CES2: variants seen among roughly 807,000 people sequenced by gnomAD.
CES2 encodes the protein carboxylesterase 2, also known as cocaine esterase.
Under a neutral mutation model 52.1 loss-of-function variants are expected in CES2, and 42 were observed. The ratio of observed to expected loss-of-function variants is 0.81; its 90% confidence interval spans 0.63 to 1.04. The LOEUF (loss-of-function observed/expected upper bound fraction) is 1.04, where lower values mean the gene tolerates loss of function less well. Ranked by LOEUF, CES2 falls within the 50% of genes least tolerant of loss-of-function variation. The pLI is 0.00. For missense variants in CES2, 656 were observed against 724.3 expected (o/e 0.91, Z 1.08); for synonymous variants, 277 against 289.6 (o/e 0.96, Z 0.44).
intron 5 of CES2, 106 bp from the exon 6 acceptor site, chr16:66,941,018 A>C: frequency 6.7e-7 from 1 of 1,489,742 alleles, no homozygotes; most frequent in East Asian, 2.3e-5. Flanking sequence ...ACTCATACGA[A>C]GTACCCTCTG....
At chr16:66,935,899 G>A in intron 1 of CES2, 188 bp downstream of exon 1, 2 of 1,461,342 alleles carry the variant, frequency 1.4e-6, no homozygotes, top group East Asian at 2.5e-5. Flanking sequence ...AGCACAGAAA[G>A]GGTCGGGCTG....
At position 66,935,605 on chromosome 16, in the gene CES2, C is replaced by T. The variant is rs539027609; in HGVS notation, c.-31C>T. 33 of 1,610,292 alleles carry T rather than the reference C, an allele frequency of 2.0e-5. No individual in the cohort carries two copies. In the Admixed American group the frequency reaches 2.8e-4, roughly 14 times the overall value. On this transcript the variant is annotated 5_prime_UTR_variant, in exon 1 of 12. Coordinates refer to ENST00000317091, the MANE Select transcript of CES2 (RefSeq NM_001365405.1). The stretch of plus-strand genomic sequence containing the variant: ...CTCTGGGTGAACAGCAGCGTGTCCG[C>T]CGGCAGCGAACCGAGACCAGCGAGC...
Position 66,940,252 on chromosome 16 carries a change from G to C in CES2, c.454G>C (p.Val152Leu), listed in dbSNP as rs1166586239. The C allele has an allele frequency of 6.3e-7, 1 of 1,581,078 alleles. No homozygotes were observed. The highest frequency in any genetic ancestry group is 1.5e-5 in the African/African-American group (1 of 68,408). ...VMVWIHGGAL[V>L]FGMASLYDGS... The stretch of plus-strand genomic sequence containing the variant: ...GGTGTGGATCCACGGTGGTGCGCTT[G>C]TTTTTGGCATGGCTTCCTTGTATGA... The change falls in exon 4 of 12, where the codon GTT (valine) becomes CTT (leucine). Residue 152 changes from valine to leucine, a missense_variant. Physicochemically the swap from Val to Leu is conservative, Grantham distance 32. Transcript: ENST00000317091.
chr16:66,936,389 G>A (rs780624941), intron 1 of CES2, among the ~76,000 whole-genome samples: 1 of 152,204 alleles, frequency 6.6e-6, no homozygotes, highest in Non-Finnish European at 1.5e-5. Context: ...GTGGGCTGTG[G>A]TGGTCTGTGA....
chr16:66,941,434 G>C, intron 6 of CES2, 72 bp from the exon 7 acceptor site: 1 of 1,576,330 alleles, frequency 6.3e-7, no homozygotes, highest in Non-Finnish European at 8.7e-7. Context: ...GGGAAGGAGT[G>C]GAAGGTACTC....
chr16:66,935,317 G>A, upstream of CES2: 4 of 1,082,560 alleles, frequency 3.7e-6, no homozygotes, highest in East Asian at 2.4e-5. Flanking sequence ...CAGGTTTGAA[G>A]AGAGGATTCC....
chr16:66,936,081 C>G, intron 1 of CES2: 2 of 1,050,394 alleles, frequency 1.9e-6, no homozygotes, highest in Non-Finnish European at 2.4e-6. Flanking sequence ...CCGGTAATAA[C>G]AGTAATAGCT....
chr16:66,934,483 T>A (rs1963149976), upstream of CES2: 1 of 1,392,518 alleles, frequency 7.2e-7, no homozygotes, highest in Non-Finnish European at 9.4e-7. The surrounding 1 kb of genome is among the most constrained non-coding windows in gnomAD (Gnocchi z 4.1). Flanking sequence ...CACGCCGCGT[T>A]GTGGGTTCTC....
rs1049581017 is a variant in CES2 at position 66,943,332 on chromosome 16, G to T, written c.1454G>T (p.Arg485Met). ...KFTEEEEQLSRKMMKYWANFA... is the reference protein window; with the variant it reads ...KFTEEEEQLSMKMMKYWANFA... ...ACTGAGGAAGAGGAGCAGCTAAGCAGGAAGATGATGAAGTACTGGGCCAAC... is the reference window on the plus strand; with the variant it reads ...ACTGAGGAAGAGGAGCAGCTAAGCATGAAGATGATGAAGTACTGGGCCAAC... Residue 485 changes from arginine to methionine, a missense_variant, in exon 11 of 12, where the codon AGG (arginine) becomes ATG (methionine). Transcript: ENST00000317091. This position sits in a 1 kb window ranked among gnomAD's most constrained non-coding sequence, Gnocchi z 4.2. The T allele has an allele frequency of 6.2e-7, 1 of 1,614,156 alleles. No individual in the cohort carries two copies. Among genetic ancestry groups the T allele is most frequent in the African/African-American group, 1.3e-5 (1 of 75,040 alleles).
At position 66,943,057 on chromosome 16, in the gene CES2, A is replaced by T. The variant is rs1306867765; in HGVS notation, c.1421-242A>T. On this transcript the variant is annotated intron_variant, in intron 10 of 11. Coordinates refer to ENST00000317091, the MANE Select transcript of CES2 (RefSeq NM_001365405.1). This position sits in a 1 kb window ranked among gnomAD's most constrained non-coding sequence, Gnocchi z 4.2. ...CAGGGACATGTTTATTTCTTCAGTG[A>T]CTCCCAGAGATAGAAGGAAGAAGGG... Among the ~76,000 whole-genome samples, 5 of 151,968 alleles carry T rather than the reference A, an allele frequency of 3.3e-5. No homozygotes were observed. Among genetic ancestry groups the T allele is most frequent in the African/African-American group, 9.7e-5 (4 of 41,348 alleles).
chr16:66,941,733 C>T, intron 7 of CES2, 35 bp from the exon 8 acceptor site: 1 of 1,614,044 alleles, frequency 6.2e-7, no homozygotes, highest in Non-Finnish European at 8.5e-7. Context: ...AGGCTCATCC[C>T]ATCCCCAGCT....
chr16:66,941,070 A>T, intron 5 of CES2, 54 bp from the exon 6 acceptor site: 1 of 1,605,166 alleles, frequency 6.2e-7, no homozygotes, highest in East Asian at 2.2e-5. Context: ...CCTTGGGCAA[A>T]CTCCTCTCCT....
Position 66,938,316 on chromosome 16 carries a change from G to A in CES2, c.281+75G>A, listed in dbSNP as rs983008703. 9 of 1,043,024 alleles carry A rather than the reference G, an allele frequency of 8.6e-6. No individual in the cohort carries two copies. In the African/African-American group the frequency reaches 1.1e-4, roughly 13 times the overall value. The allele number at this position is 1,043,024 out of a possible 1,614,324, so 64.6% of individuals were successfully genotyped here. ...GGGGTGCTCTGAGCTCAGCTAGGCT[G>A]CAGTTATCATTTCATCTAAACCCCC... is the stretch of plus-strand genomic sequence containing the variant. On this transcript the variant is annotated intron_variant, in intron 2 of 11. Coordinates refer to ENST00000317091, the MANE Select transcript of CES2 (RefSeq NM_001365405.1).
chr16:66,944,291 A>C lies in CES2; in HGVS notation c.*266A>C. On this transcript the variant is annotated 3_prime_UTR_variant, in exon 12 of 12. Transcript: ENST00000317091. Reference sequence around the variant, plus strand: ...TGAGACCGACCAGCCAGGGCAACACAGTGAGACCCCTTCTCAAAAAAAAAA... The same window carrying C: ...TGAGACCGACCAGCCAGGGCAACACCGTGAGACCCCTTCTCAAAAAAAAAA... 4.0e-6 allele frequency: 1 copy of C among 250,544 alleles called. No homozygotes were observed. The allele number at this position is 250,544 out of a possible 1,614,324, so 15.5% of individuals were successfully genotyped here. A position where few individuals can be genotyped will look rare whatever the true frequency, so the allele number is the denominator to read the frequency against.
At chr16:66,937,856 G>C (rs1001207407) in intron 1 of CES2, among the ~76,000 whole-genome samples, 181 bp from the exon 2 acceptor site, 8 of 152,328 alleles carry the variant, frequency 5.3e-5, no homozygotes, top group Admixed American at 5.2e-4. Context: ...GTGGGATGGA[G>C]ACAGGCCCAG....
In CES2 at chr16:66,942,680, C is replaced by G. The variant is rs1428710013; in HGVS notation, c.1315C>G (p.Gln439Glu). The G allele has an allele frequency of 6.2e-7, 1 of 1,614,100 alleles. No individual in the cohort carries two copies. The highest frequency in any genetic ancestry group is 1.7e-5 in the Admixed American group (1 of 60,002). ...SRAPVYFYEF[Q>E]HQPSWLKNIR... ...GGCCCCTGTGTACTTCTACGAGTTC[C>G]AGCATCAGCCCAGCTGGCTCAAGAA... is the stretch of plus-strand genomic sequence containing the variant. Residue 439 changes from glutamine (Q) to glutamate (E), a missense_variant, in exon 10 of 12, where the codon CAG becomes GAG. Coordinates refer to ENST00000317091, the MANE Select transcript of CES2 (RefSeq NM_001365405.1).
Position 66,943,860 on chromosome 16 carries a change from G to T in CES2, c.1515G>T (p.Leu505=). The change falls in exon 12 of 12, where the codon CTG becomes CTT. Residue 505 remains leucine (L), a synonymous_variant. Coordinates refer to ENST00000317091, the MANE Select transcript of CES2 (RefSeq NM_001365405.1). This position sits in a 1 kb window ranked among gnomAD's most constrained non-coding sequence, Gnocchi z 4.2. ...ACAGGAACCCCAATGGCGAGGGTCTGCCACACTGGCCGCTGTTCGACCAGG... is the reference window on the plus strand; with the variant it reads ...ACAGGAACCCCAATGGCGAGGGTCTTCCACACTGGCCGCTGTTCGACCAGG... ...ARNGNPNGEG[L]PHWPLFDQEE... 1 of 1,602,784 alleles carries T rather than the reference G, an allele frequency of 6.2e-7. No homozygotes were observed. Among genetic ancestry groups the T allele is most frequent in the Non-Finnish European group, 8.5e-7 (1 of 1,172,118 alleles).
In CES2 at chr16:66,935,742, C is replaced by G. The variant is rs368771436; in HGVS notation, c.76+31C>G. On this transcript the variant is annotated intron_variant, in intron 1 of 11. Transcript: ENST00000317091. ...GCTCCCTCGGAGGGGCGACAGGGAC[C>G]GGGCTCAGATCTGCCAAATGCTGCG... 170 of 1,598,806 alleles carry G rather than the reference C, an allele frequency of 1.1e-4. 1 individual carries two copies. In the African/African-American group the frequency reaches 1.8e-3, roughly 17 times the overall value.
chr16:66,935,709 A>T lies in CES2; in HGVS notation c.74A>T (p.Gln25Leu). Residue 25 changes from glutamine to leucine, a missense_variant and splice_region_variant, in exon 1 of 12, where the codon CAG becomes CTG. Gln to Leu is a moderately radical substitution (Grantham distance 113). Coordinates refer to ENST00000317091, the MANE Select transcript of CES2 (RefSeq NM_001365405.1). ...CGLLLLLVRG[Q>L]GQDSASPIRT... ...CTTCTGCTGCTTCTTGTCCGGGGCC[A>T]GGGTGAGGCTCCCTCGGAGGGGCGA... 6.2e-7 allele frequency: 1 copy of T among 1,600,142 alleles called. No individual in the cohort carries two copies. Among genetic ancestry groups the T allele is most frequent in the African/African-American group, 1.3e-5 (1 of 75,042 alleles).
Sources: gnomAD v4.1 joint callset for allele counts (sites outside exome capture counted in the v4.1 genomes callset) on GRCh38, gnomAD v4.1.1 for gene constraint, Gnocchi (gnomAD v3.1) non-coding constraint, MANE v1.5 for transcripts, NCBI Gene and HGNC (gene_info 2026-07-23, HGNC 2026-07-21) for gene names.